The following CCNI2 variants were observed in gnomAD, a reference collection of about 807,000 sequenced individuals.
CCNI2 encodes cyclin I family member 2.
In CCNI2, 32 loss-of-function variants were observed where a neutral mutation model predicts 33.2. The observed-to-expected ratio is 0.96, with a 90% CI of 0.73 to 1.30. The LOEUF is 1.30. Ranked by LOEUF, CCNI2 falls within the 50% of genes most tolerant of loss-of-function variation. The pLI is 0.00. For synonymous variants in CCNI2, 231 were observed against 219.9 expected (o/e 1.05, Z -0.45); for missense variants, 452 against 486.2 (o/e 0.93, Z 0.66).
chr5:132,755,434 C>G (rs1369919279), downstream of CCNI2, among the ~76,000 whole-genome samples: 1 of 152,134 alleles, frequency 6.6e-6, no homozygotes, highest in Non-Finnish European at 1.5e-5. Context: ...CATTGAGATG[C>G]CAAGGAGCAG....
At position 132,752,203 on chromosome 5, in the gene CCNI2, A is replaced by T. The variant is rs1754903732; in HGVS notation, c.1005+7A>T. The T allele has an allele frequency of 6.4e-7, 1 of 1,560,768 alleles. No homozygotes were observed. Among genetic ancestry groups the T allele is most frequent in the Admixed American group, 1.9e-5 (1 of 52,222 alleles). On this transcript the variant is annotated splice_region_variant and intron_variant, in intron 5 of 5. Coordinates refer to ENST00000378731, the MANE Select transcript of CCNI2 (RefSeq NM_001039780.4). ...TCTGCTAAAGAAAGCACAGGTAGAC[A>T]TCAACTTTGCCCCAGACCAGGCTCT...
chr5:132,749,123 G>A (rs1043954876), intron 2 of CCNI2, among the ~76,000 whole-genome samples: 8 of 152,092 alleles, frequency 5.3e-5, no homozygotes, highest in African/African-American at 1.9e-4. Flanking sequence ...AGGTGTGGTG[G>A]CCCGCCCCTA....
Position 132,752,295 on chromosome 5 carries a change from GA to G in CCNI2, c.1005+103del, listed in dbSNP as rs530189479. The stretch of plus-strand genomic sequence containing the variant: ...GTACCCTTTGCCCTTGTAGCCTCTG[GA>G]AAATGTTCTGGCCATAACCCTGGAA... On this transcript the variant is annotated intron_variant, in intron 5 of 5. Coordinates refer to ENST00000378731, the MANE Select transcript of CCNI2 (RefSeq NM_001039780.4). The G allele has an allele frequency of 3.9e-5, 52 of 1,347,030 alleles. No individual in the cohort carries two copies. The South Asian group carries it at 7.6e-4, about 20-fold the overall frequency. 83.4% of individuals were successfully genotyped at this position (1,347,030 alleles called of 1,614,324 possible). A position where few individuals can be genotyped will look rare whatever the true frequency, so the allele number is the denominator to read the frequency against.
In CCNI2 at chr5:132,747,939, C is replaced by A. The variant is rs760314972; in HGVS notation, c.429+15C>A. On this transcript the variant is annotated intron_variant, in intron 1 of 5. Transcript: ENST00000378731. This position sits in a 1 kb window ranked among gnomAD's most constrained non-coding sequence, Gnocchi z 4.1. ...GCAAACCCCAGGTACCCGTCGCTGCCGCGTGGCCCTCCTCGCGCGTGCACG... is the reference window on the plus strand; with the variant it reads ...GCAAACCCCAGGTACCCGTCGCTGCAGCGTGGCCCTCCTCGCGCGTGCACG... The A allele has an allele frequency of 3.7e-6, 5 of 1,367,804 alleles. No individual in the cohort carries two copies. The highest frequency in any genetic ancestry group is 4.7e-6 in the Non-Finnish European group (5 of 1,067,106). The allele number at this position is 1,367,804 out of a possible 1,614,324, so 84.7% of individuals were successfully genotyped here.
At chr5:132,752,360 C>T (rs1248437978) in intron 5 of CCNI2, among the ~76,000 whole-genome samples, 164 bp downstream of exon 5, 2 of 152,160 alleles carry the variant, frequency 1.3e-5, no homozygotes, top group African/African-American at 4.8e-5. Context: ...CACTTGGTCA[C>T]GCTCTATGCA....
Position 132,748,450 on chromosome 5 carries a change from T to C in CCNI2, c.533T>C (p.Phe178Ser). 6.2e-7 allele frequency: 1 copy of C among 1,614,168 alleles called. No individual in the cohort carries two copies. The change falls in exon 2 of 6, where the codon TTT becomes TCT. Residue 178 changes from phenylalanine to serine, a missense_variant. Physicochemically the swap from Phe to Ser is radical, Grantham distance 155 (BLOSUM62 -2). Coordinates refer to ENST00000378731, the MANE Select transcript of CCNI2 (RefSeq NM_001039780.4). ...ACTTTTAACCTGGCCCTCACCATCT[T>C]TGGCCGCCTCCTGATTTCAGTGAAG... ...QSTFNLALTIFGRLLISVKVK... is the reference protein window; with the variant it reads ...QSTFNLALTISGRLLISVKVK...
intron 3 of CCNI2, among the ~76,000 whole-genome samples, chr5:132,750,630 C>G (rs1581118548): frequency 6.6e-6 from 1 of 152,290 alleles, no homozygotes; most frequent in East Asian, 1.9e-4. Context: ...GCTGGGGGAT[C>G]AAGACCCGGT....
At position 132,747,571 on chromosome 5, in the gene CCNI2, C is replaced by T. The variant is rs1389404161; in HGVS notation, c.76C>T (p.Pro26Ser). Residue 26 changes from proline (P) to serine (S), a missense_variant, in exon 1 of 6, where the codon CCC becomes TCC. Pro to Ser is a moderately conservative substitution (Grantham distance 74, BLOSUM62 -1). Coordinates refer to ENST00000378731, the MANE Select transcript of CCNI2 (RefSeq NM_001039780.4). The surrounding 1 kb of genome is among the most constrained non-coding windows in gnomAD (Gnocchi z 4.1). ...VSAVQSPGGR[P>S]GAGLEETALG... ...CGCCGTCCAGAGCCCAGGCGGGCGT[C>T]CCGGCGCCGGTCTGGAGGAAACAGC... is the stretch of plus-strand genomic sequence containing the variant. 6.7e-7 allele frequency: 1 copy of T among 1,495,394 alleles called. No individual in the cohort carries two copies. Among genetic ancestry groups the T allele is most frequent in the Non-Finnish European group, 8.9e-7 (1 of 1,128,552 alleles). The allele number at this position is 1,495,394 out of a possible 1,614,324, so 92.6% of individuals were successfully genotyped here. A position where few individuals can be genotyped will look rare whatever the true frequency, so the allele number is the denominator to read the frequency against.
At chr5:132,751,664 G>T in intron 4 of CCNI2, 2 of 455,332 alleles carry the variant, frequency 4.4e-6, no homozygotes, top group African/African-American at 4.0e-5. Flanking sequence ...CTGCTACCTT[G>T]GTCTTGAATA....
intron 3 of CCNI2, among the ~76,000 whole-genome samples, chr5:132,749,772 C>A (rs1754731737): frequency 6.6e-6 from 1 of 152,176 alleles, no homozygotes; most frequent in Admixed American, 6.5e-5. Flanking sequence ...GACTTAACAT[C>A]CACCCCAAGC....
At chr5:132,755,951 T>C, downstream of CCNI2, 2 of 949,094 alleles carry the variant, frequency 2.1e-6, no homozygotes, top group Non-Finnish European at 2.4e-6. Flanking sequence ...ATTAATGGGC[T>C]CAGGAAACGT....
downstream of CCNI2, among the ~76,000 whole-genome samples, chr5:132,755,655 T>C (rs1755260598): frequency 6.6e-6 from 1 of 152,198 alleles, no homozygotes; most frequent in African/African-American, 2.4e-5. Context: ...CGAATATTAG[T>C]AGTCCCGTGG....
At chr5:132,749,551 C>A in intron 3 of CCNI2, 129 bp downstream of exon 3, 1 of 724,958 alleles carries the variant, frequency 1.4e-6, no homozygotes. Flanking sequence ...CACCAACTTG[C>A]CGGCATCTCT....
chr5:132,750,882 C>G lies in CCNI2; in HGVS notation c.659C>G (p.Thr220Arg). 6.2e-7 allele frequency: 1 copy of G among 1,614,172 alleles called. No homozygotes were observed. Among genetic ancestry groups the G allele is most frequent in the Non-Finnish European group, 8.5e-7 (1 of 1,180,020 alleles). The change falls in exon 4 of 6, where the codon ACA becomes AGA. Residue 220 changes from threonine (T) to arginine (R), a missense_variant. Transcript: ENST00000378731. ...TTTATTCCACAAGTAAAAGACTTCA[C>G]AAAGCACTATGGCTCTGACTATTCC... ...EEFIPQVKDFTKHYGSDYSPN... is the reference protein window; with the variant it reads ...EEFIPQVKDFRKHYGSDYSPN...
At chr5:132,748,566 A>T (rs970779903) in intron 2 of CCNI2, 91 bp downstream of exon 2, 1 of 1,526,058 alleles carries the variant, frequency 6.6e-7, no homozygotes, top group African/African-American at 1.4e-5. Flanking sequence ...GGGTTTCCAG[A>T]TGCTCAAAAC....
downstream of CCNI2, among the ~76,000 whole-genome samples, chr5:132,755,670 C>T (rs1361880162): frequency 6.6e-6 from 1 of 152,154 alleles, no homozygotes; most frequent in Admixed American, 6.5e-5. Context: ...CCGTGGCAAG[C>T]CTTTGTGTTA....
chr5:132,753,028 C>G lies in CCNI2; in HGVS notation c.*58C>G. On this transcript the variant is annotated 3_prime_UTR_variant, in exon 6 of 6. Coordinates refer to ENST00000378731, the MANE Select transcript of CCNI2 (RefSeq NM_001039780.4). The stretch of plus-strand genomic sequence containing the variant: ...ATAGTGTGAAACCTCCTTGCTTGGA[C>G]TACCATGAGTTCTTTGGCTTGTTAT... The G allele has an allele frequency of 7.5e-7, 1 of 1,340,754 alleles. No homozygotes were observed. The highest frequency in any genetic ancestry group is 1.1e-6 in the Non-Finnish European group (1 of 934,080). 83.1% of individuals were successfully genotyped at this position (1,340,754 alleles called of 1,614,324 possible).
intron 4 of CCNI2, 184 bp from the exon 5 acceptor site, chr5:132,751,782 G>A: frequency 1.5e-6 from 1 of 672,612 alleles, no homozygotes; most frequent in Non-Finnish European, 2.4e-6. Flanking sequence ...CGGAGTGGAA[G>A]CTCAGCTTGG....
Position 132,747,434 on chromosome 5 carries a change from G to A in CCNI2, c.-62G>A. On this transcript the variant is annotated 5_prime_UTR_variant, in exon 1 of 6. Coordinates refer to ENST00000378731, the MANE Select transcript of CCNI2 (RefSeq NM_001039780.4). The surrounding 1 kb of genome is among the most constrained non-coding windows in gnomAD (Gnocchi z 4.1). ...GCGGCGCCCCAGGCTGCAGTGTTCC[G>A]GGAGCTGGGTTATAAAATGCCGGGT... The A allele has an allele frequency of 2.2e-6, 3 of 1,353,136 alleles. No individual in the cohort carries two copies. Among genetic ancestry groups the A allele is most frequent in the South Asian group, 1.7e-5 (1 of 58,460 alleles). The allele number at this position is 1,353,136 out of a possible 1,614,324, so 83.8% of individuals were successfully genotyped here.
Sources: allele counts gnomAD v4.1 joint callset (sites outside exome capture counted in the v4.1 genomes callset), GRCh38; gene constraint gnomAD v4.1.1; non-coding constraint Gnocchi (gnomAD v3.1); transcripts MANE v1.5; gene names NCBI Gene and HGNC (gene_info 2026-07-23, HGNC 2026-07-21).